Variants in SYT7 observed in about 807,000 individuals in gnomAD.
SYT7 encodes the protein synaptotagmin-7.
SYT7 carries 29 observed loss-of-function variants against 75.1 expected under a neutral mutation model. The observed-to-expected ratio is 0.39, with a 90% CI of 0.29 to 0.53. SYT7 has a LOEUF of 0.53. Ranked by LOEUF, SYT7 falls within the 20% of genes least tolerant of loss-of-function variation. SYT7 has a pLI of 0.77. For synonymous variants in SYT7, 376 were observed against 401.7 expected (o/e 0.94, Z 0.76); for missense variants, 693 against 953.2 (o/e 0.73, Z 3.59).
At chr11:61,534,330 G>T (rs1156348654) in intron 7 of SYT7, among the ~76,000 whole-genome samples, 1 of 152,232 alleles carries the variant, frequency 6.6e-6, no homozygotes, top group South Asian at 2.1e-4. Flanking sequence ...CCAGGCCCTG[G>T]AGGGGAGACA....
At chr11:61,574,243 C>T (rs2064004512) in intron 1 of SYT7, among the ~76,000 whole-genome samples, 1 of 152,200 alleles carries the variant, frequency 6.6e-6, no homozygotes, top group Admixed American at 6.5e-5. Context: ...CCTCATCTTC[C>T]AACCGCCTGG....
In SYT7 at chr11:61,546,833, C is replaced by G. The variant is rs1484501430; in HGVS notation, c.347+344G>C. The stretch of plus-strand genomic sequence containing the variant: ...GCGGGGAGGAAGAAGCGACCACAAC[C>G]GAGGGGGCGGGACCCAAACGGGCAA... On this transcript the variant is annotated intron_variant, in intron 4 of 12. Coordinates refer to ENST00000539008, the MANE Select transcript of SYT7 (RefSeq NM_001365809.2). This position sits in a 1 kb window ranked among gnomAD's most constrained non-coding sequence, Gnocchi z 7.6. Among the ~76,000 whole-genome samples, 1 of 152,062 alleles carries G rather than the reference C, an allele frequency of 6.6e-6. No individual in the cohort carries two copies. Among genetic ancestry groups the G allele is most frequent in the Non-Finnish European group, 1.5e-5 (1 of 68,016 alleles).
intron 2 of SYT7, among the ~76,000 whole-genome samples, chr11:61,555,399 TC>T (rs2063468496): frequency 1.3e-5 from 2 of 152,140 alleles, no homozygotes. Context: ...GAGCAGCGGC[TC>T]GGGGAGCTGT....
In SYT7 at chr11:61,555,436, C is replaced by T. The variant is rs542807651; in HGVS notation, c.135+668G>A. On this transcript the variant is annotated intron_variant, in intron 2 of 12. Coordinates refer to ENST00000539008, the MANE Select transcript of SYT7 (RefSeq NM_001365809.2). ...GGGCTGCGGGCTGGGCGGGGCGGCG[C>T]GATGCGGGGCGGGCGGCTCAGCCCC... Among the ~76,000 whole-genome samples, 35 of 152,286 alleles carry T rather than the reference C, an allele frequency of 2.3e-4. No homozygotes were observed. In the East Asian group the frequency reaches 6.6e-3, roughly 29 times the overall value.
intron 1 of SYT7, among the ~76,000 whole-genome samples, chr11:61,557,936 C>T (rs1399158851): frequency 2.6e-5 from 4 of 152,214 alleles, no homozygotes; most frequent in Admixed American, 2.6e-4. Context: ...CCACCACAGC[C>T]CCACGGCCCA....
rs1639893 is a variant in SYT7 at position 61,538,791 on chromosome 11, G to A, written c.942-525C>T. Among the ~76,000 whole-genome samples, 456 of 152,290 alleles carry A rather than the reference G, an allele frequency of 3.0e-3. 7 individuals carry two copies. The highest frequency in any genetic ancestry group is 0.01 in the African/African-American group (431 of 41,560). On this transcript the variant is annotated intron_variant, in intron 6 of 12. Transcript: ENST00000539008. ...GGGGCTCCGTCACTATCCTGCACCGGCACCGCGCAGGCTTTGAAAGTTTCG... is the reference window on the plus strand; with the variant it reads ...GGGGCTCCGTCACTATCCTGCACCGACACCGCGCAGGCTTTGAAAGTTTCG...
At position 61,528,082 on chromosome 11, in the gene SYT7, A is replaced by G; in HGVS notation, c.1304T>C (p.Leu435Pro). 6.2e-7 allele frequency: 1 copy of G among 1,613,732 alleles called. No homozygotes were observed. Among genetic ancestry groups the G allele is most frequent in the Non-Finnish European group, 8.5e-7 (1 of 1,179,998 alleles). ...SVGYNFQEST[L>P]TVKIMKAQEL... is the part of the protein sequence containing the mutation. ...CTGGGCCTTCATGATCTTCACGGTG[A>G]GCGTGGACTCCTGGAAGTTGTAGCC... The change falls in exon 9 of 13, where the codon CTC becomes CCC. Residue 435 changes from leucine (L) to proline (P), a missense_variant. Physicochemically the swap from Leu to Pro is moderately conservative, Grantham distance 98 (BLOSUM62 -3). This residue lies in a region of SYT7 where 206 missense variants were observed against 360.0 expected (regional missense o/e 0.57). Transcript: ENST00000539008.
At chr11:61,550,950 T>C (rs573747730) in intron 3 of SYT7, among the ~76,000 whole-genome samples, 1 of 152,162 alleles carries the variant, frequency 6.6e-6, no homozygotes, top group East Asian at 1.9e-4. Flanking sequence ...CAGGTCATCC[T>C]CAAACACTGG....
At chr11:61,531,715 G>A (rs2062714678) in intron 8 of SYT7, among the ~76,000 whole-genome samples, 2 of 151,946 alleles carry the variant, frequency 1.3e-5, no homozygotes, top group South Asian at 2.1e-4. Context: ...CCAACATGGT[G>A]AAACCCCGTC....
At chr11:61,535,293 A>T (rs749650157) in intron 7 of SYT7, among the ~76,000 whole-genome samples, 1 of 152,212 alleles carries the variant, frequency 6.6e-6, no homozygotes, top group African/African-American at 2.4e-5. Context: ...GGAGAGGCAG[A>T]GAGGAGGCGG....
chr11:61,522,960 T>C (rs951073559), intron 12 of SYT7, 115 bp downstream of exon 12: 12 of 1,043,950 alleles, frequency 1.1e-5, no homozygotes, highest in Admixed American at 1.1e-4. Flanking sequence ...AGGAGACTGA[T>C]CCCAATCTCT....
intron 12 of SYT7, among the ~76,000 whole-genome samples, chr11:61,519,131 G>A (rs1414831321): frequency 6.6e-6 from 1 of 152,212 alleles, no homozygotes; most frequent in East Asian, 1.9e-4. Flanking sequence ...CTGAGCTAGG[G>A]ACTTCATACA....
intron 3 of SYT7, among the ~76,000 whole-genome samples, chr11:61,548,359 C>T (rs1204504042): frequency 3.9e-5 from 6 of 152,278 alleles, no homozygotes; most frequent in Admixed American, 6.5e-5. Context: ...CTCCTGAGAA[C>T]GTGGGGACTT....
At position 61,551,434 on chromosome 11, in the gene SYT7, C is replaced by A. The variant is rs751999481; in HGVS notation, c.165G>T (p.Thr55=). ...CACGCCCTGAGTCTGGCGTGCCCACCGTCTCCAAGGAATTCTTGTAGCGTT... is the reference window on the plus strand; with the variant it reads ...CACGCCCTGAGTCTGGCGTGCCCACAGTCTCCAAGGAATTCTTGTAGCGTT... ...LGKRYKNSLE[T]VGTPDSGRGR... The change falls in exon 3 of 13, where the codon ACG becomes ACT. Residue 55 remains threonine (T), a synonymous_variant. Coordinates refer to ENST00000539008, the MANE Select transcript of SYT7 (RefSeq NM_001365809.2). This position sits in a 1 kb window ranked among gnomAD's most constrained non-coding sequence, Gnocchi z 5.3. The A allele has an allele frequency of 6.2e-7, 1 of 1,613,782 alleles. No individual in the cohort carries two copies.
the SYT7 span, among the ~76,000 whole-genome samples, chr11:61,586,747 C>G: frequency 1.7e-4 from 26 of 152,298 alleles, no homozygotes; most frequent in African/African-American, 5.8e-4. Flanking sequence ...GTTCTCTGCC[C>G]TCCCCATCCT....
chr11:61,546,389 CAGTG>C lies in SYT7; in HGVS notation c.348-138_348-135del, dbSNP rs1227322930. 5.0e-6 allele frequency: 3 copies of C among 601,184 alleles called. No homozygotes were observed. The highest frequency in any genetic ancestry group is 8.5e-6 in the Non-Finnish European group (3 of 351,764). The allele number at this position is 601,184 out of a possible 1,614,324, so 37.2% of individuals were successfully genotyped here. ...ATAACAGATAAAAGGAAGAAAGAGA[CAGTG>C]AGAGAGGAGGAGGAGAGAGACAGAC... On this transcript the variant is annotated intron_variant, in intron 4 of 12. Transcript: ENST00000539008. The surrounding 1 kb of genome is among the most constrained non-coding windows in gnomAD (Gnocchi z 7.6).
intron 1 of SYT7, among the ~76,000 whole-genome samples, chr11:61,577,283 C>T (rs1234925287): frequency 6.6e-6 from 1 of 152,242 alleles, no homozygotes; most frequent in Non-Finnish European, 1.5e-5. Context: ...GTGTCCTGGC[C>T]TGTGGGGAGA....
chr11:61,574,480 GTTA>G (rs1745587865), intron 1 of SYT7, among the ~76,000 whole-genome samples: 1 of 152,180 alleles, frequency 6.6e-6, no homozygotes. Context: ...TCATACTATT[GTTA>G]TTATCAGGGG....
At chr11:61,587,300 CGA>C in the SYT7 span, among the ~76,000 whole-genome samples, 3 of 152,152 alleles carry the variant, frequency 2.0e-5, no homozygotes, top group Non-Finnish European at 2.9e-5. Flanking sequence ...GAGCCCAGGC[CGA>C]GTCTGGTAGT....
Sources: gnomAD v4.1 joint callset for allele counts (sites outside exome capture counted in the v4.1 genomes callset) on GRCh38, gnomAD v4.1.1 for gene constraint, gnomAD v4.1.1 regional missense constraint, Gnocchi (gnomAD v3.1) non-coding constraint, MANE v1.5 for transcripts, NCBI Gene and HGNC (gene_info 2026-07-23, HGNC 2026-07-21) for gene names.